The following CCDC194 variants were observed in gnomAD, a reference collection of about 807,000 sequenced individuals.
CCDC194 encodes coiled-coil domain-containing protein 194.
Under a neutral mutation model 4.9 loss-of-function variants are expected in CCDC194, and 8 were observed. That is an observed-to-expected ratio of 1.65 (90% CI 0.97 to 2.97). The LOEUF is 2.97. Among genes scored for constraint, CCDC194 ranks in the 30% most tolerant of loss-of-function variants. The pLI, the probability that CCDC194 is intolerant of heterozygous loss-of-function variation, is 0.00. For missense variants in CCDC194, 52 were observed against 43.1 expected (o/e 1.21, Z -0.58); for synonymous variants, 13 against 17.0 (o/e 0.76, Z 0.58).
intron 1 of CCDC194, 96 bp from the exon 2 acceptor site, chr19:17,391,942 AC>A (rs1227845530): frequency 2.6e-6 from 3 of 1,151,802 alleles, no homozygotes; most frequent in Admixed American, 3.1e-5. Context: ...GCCACCTGCG[AC>A]CCTGTGTCCT....
Position 17,390,534 on chromosome 19 carries a change from C to T in CCDC194, c.680G>A (p.Arg227Gln), listed in dbSNP as rs2074650247. The T allele has an allele frequency of 7.6e-6, 3 of 395,092 alleles. No individual in the cohort carries two copies. In the South Asian group the frequency reaches 3.8e-4, roughly 50 times the overall value. The allele number at this position is 395,092 out of a possible 1,614,324, so 24.5% of individuals were successfully genotyped here. Reference sequence around the variant, plus strand: ...TCACCCTCGTGCGCGCCGCGCCGGCCGCCGGCAGCCCCCGGAGGGTCCGGA... The same window carrying T: ...TCACCCTCGTGCGCGCCGCGCCGGCTGCCGGCAGCCCCCGGAGGGTCCGGA... Residue 227 changes from arginine (R) to glutamine (Q), a missense_variant, in exon 4 of 4, where the codon CGG (arginine) becomes CAG (glutamine). Arg to Gln is a conservative substitution (Grantham distance 43). Transcript: ENST00000636079. The surrounding 1 kb of genome is among the most constrained non-coding windows in gnomAD (Gnocchi z 5.5).
chr19:17,391,802 G>A (rs1359794136), exon 2 of CCDC194: 1 of 1,535,404 alleles, frequency 6.5e-7, no homozygotes, highest in Non-Finnish European at 8.7e-7. Flanking sequence ...CCTTGGCTTC[G>A]TCCATCTCAA....
chr19:17,391,093 C>G (rs868573112), intron 3 of CCDC194, 118 bp downstream of exon 3: 6,431 of 381,874 alleles, frequency 0.017, 185 homozygotes, highest in African/African-American at 0.071. Flanking sequence ...AATGCCCCCC[C>G]CCCACCACAA....
chr19:17,392,667 G>A (rs558309380), intron 1 of CCDC194, among the ~76,000 whole-genome samples: 1 of 152,172 alleles, frequency 6.6e-6, no homozygotes, highest in Non-Finnish European at 1.5e-5. Context: ...TCTTAACCTC[G>A]ACTGCCCCAG....
At chr19:17,391,806 A>T (rs143048146) in exon 2 of CCDC194, 3 of 1,535,274 alleles carry the variant, frequency 2.0e-6, no homozygotes, top group South Asian at 2.4e-5. Context: ...GGCTTCGTCC[A>T]TCTCAATCTT....
chr19:17,389,218 G>A (rs2074645786), downstream of CCDC194, among the ~76,000 whole-genome samples: 1 of 152,156 alleles, frequency 6.6e-6, no homozygotes, highest in South Asian at 2.1e-4. Context: ...CCTTTGTGTT[G>A]TTAAGGAGTT....
In CCDC194 at chr19:17,391,758, G is replaced by C. The variant is rs1489466145; in HGVS notation, c.413C>G (p.Ala138Gly). ...CTTACACCCCAACGCACCTGTCAGC[G>C]CCCCGTTCTCGGCCCCCATCTGGGT... Residue 138 changes from alanine (A) to glycine (G), a missense_variant, in exon 2 of 4, where the codon GCG (alanine) becomes GGG (glycine). Coordinates refer to ENST00000636079, the Ensembl canonical transcript of CCDC194. 2.6e-6 allele frequency: 4 copies of C among 1,535,484 alleles called. No individual in the cohort carries two copies. The African/African-American group carries it at 4.1e-5, about 16-fold the overall frequency.
At chr19:17,388,779 A>T (rs527510812), downstream of CCDC194, among the ~76,000 whole-genome samples, 1 of 152,296 alleles carries the variant, frequency 6.6e-6, no homozygotes, top group South Asian at 2.1e-4. Flanking sequence ...TTGGGCTTAC[A>T]GGCATGAACC....
In CCDC194 at chr19:17,392,451, C is replaced by G. The variant is rs1201785210; in HGVS notation, c.325-605G>C. On this transcript the variant is annotated intron_variant, in intron 1 of 3. Transcript: ENST00000636079. ...TTGTGCCACTGCACTCCAGCCTGGA[C>G]AAAAGAGCATGACTCCGTCTCAGAA... Among the ~76,000 whole-genome samples the G allele has an allele frequency of 2.6e-5, 4 of 152,092 alleles. No homozygotes were observed. The East Asian group carries it at 7.7e-4, about 29-fold the overall frequency.
chr19:17,391,213 G>A (rs553223480), exon 3 of CCDC194: 1 of 400,032 alleles, frequency 2.5e-6, no homozygotes, highest in African/African-American at 2.1e-5. Flanking sequence ...TCACTCACAG[G>A]CGTTCGCGCA....
In CCDC194 at chr19:17,391,070, C is replaced by G. The variant is rs1344382656; in HGVS notation, c.554+141G>C. The G allele has an allele frequency of 1.0e-4, 35 of 345,658 alleles. No homozygotes were observed. In the Admixed American group the frequency reaches 2.0e-3, roughly 19 times the overall value. The allele number at this position is 345,658 out of a possible 1,614,324, so 21.4% of individuals were successfully genotyped here. A position where few individuals can be genotyped will look rare whatever the true frequency, so the allele number is the denominator to read the frequency against. ...CTTAGGTTCCAATTCCAGGATCCCC[C>G]TATTAAATCAACAATGCCCCCCCCC... On this transcript the variant is annotated intron_variant, in intron 3 of 3. Coordinates refer to ENST00000636079, the Ensembl canonical transcript of CCDC194.
intron 2 of CCDC194, 178 bp from the exon 3 acceptor site, chr19:17,391,521 C>T: frequency 1.3e-5 from 13 of 982,346 alleles, no homozygotes; most frequent in Non-Finnish European, 1.9e-5. Flanking sequence ...CATAGGTTTG[C>T]ATTGCTTTCG....
At chr19:17,393,416 T>G (rs1341564831) in intron 1 of CCDC194, among the ~76,000 whole-genome samples, 1 of 123,418 alleles carries the variant, frequency 8.1e-6, no homozygotes. Context: ...TCAGATGGAG[T>G]CTCGCTGTGT....
At chr19:17,394,082 G>A (rs2074665310) in exon 1 of CCDC194, 2 of 390,716 alleles carry the variant, frequency 5.1e-6, no homozygotes, top group Admixed American at 8.9e-5. Context: ...GGCTGCTGCC[G>A]CAGCCAGGAA....
At chr19:17,387,851 G>C (rs927388792), downstream of CCDC194, among the ~76,000 whole-genome samples, 1 of 152,058 alleles carries the variant, frequency 6.6e-6, no homozygotes, top group African/African-American at 2.4e-5. Flanking sequence ...ACTGTGGATG[G>C]ACAGACACTT....
rs1599587614 is a variant in CCDC194, at chr19:17,391,279, C to G, written c.486G>C (p.Arg162=). ...CCTCGGCCTCCGCCACGCCTGCGCG[C>G]CGCAGAGCCTCGTCCAGCCGCCGCG... Residue 162 remains arginine (R), a synonymous_variant, in exon 3 of 4, where the codon CGG becomes CGC. Transcript: ENST00000636079. 3 of 416,098 alleles carry G rather than the reference C, an allele frequency of 7.2e-6. No individual in the cohort carries two copies. The East Asian group carries it at 1.1e-4, about 15-fold the overall frequency. The allele number at this position is 416,098 out of a possible 1,614,324, so 25.8% of individuals were successfully genotyped here.
chr19:17,387,695 G>A (rs1396445787), downstream of CCDC194, among the ~76,000 whole-genome samples: 1 of 151,650 alleles, frequency 6.6e-6, no homozygotes, highest in Non-Finnish European at 1.5e-5. Flanking sequence ...TCCAGCCTGG[G>A]CAACAAAAGC....
At chr19:17,392,095 C>A in intron 1 of CCDC194, 1 of 398,332 alleles carries the variant, frequency 2.5e-6, no homozygotes, top group Non-Finnish European at 4.5e-6. Flanking sequence ...CCCTAAGCCA[C>A]CAGAAAGTGG....
intron 1 of CCDC194, 153 bp from the exon 2 acceptor site, chr19:17,391,999 C>G: frequency 1.4e-6 from 1 of 704,316 alleles, no homozygotes; most frequent in Non-Finnish European, 2.2e-6. Flanking sequence ...TTGTAAAATA[C>G]AGAAGTGGCT....
Sources: gnomAD v4.1 joint callset for allele counts (sites outside exome capture counted in the v4.1 genomes callset) on GRCh38, gnomAD v4.1.1 for gene constraint, Gnocchi (gnomAD v3.1) non-coding constraint, MANE v1.5 for transcripts, NCBI Gene and HGNC (gene_info 2026-07-23, HGNC 2026-07-21) for gene names.